PRTFDC1: variants seen among roughly 807,000 people sequenced by gnomAD.
PRTFDC1 encodes phosphoribosyltransferase domain-containing protein 1.
A neutral mutation model predicts 34.6 loss-of-function variants in PRTFDC1; 38 were observed. The ratio of observed to expected loss-of-function variants is 1.10; its 90% CI spans 0.85 to 1.44. The LOEUF (loss-of-function observed/expected upper bound fraction) is 1.44. Among genes scored for constraint, PRTFDC1 ranks in the 40% most tolerant of loss-of-function variants. The probability of loss-of-function intolerance (pLI) is 0.00; values close to 1 mark genes in which losing one functional copy is unlikely to be tolerated. For synonymous variants in PRTFDC1, 93 were observed against 98.1 expected (o/e 0.95, Z 0.31); for missense variants, 270 against 283.0 (o/e 0.95, Z 0.33).
At chr10:24,923,733 G>C (rs550697552) in intron 3 of PRTFDC1, among the ~76,000 whole-genome samples, 71 of 152,302 alleles carry the variant, frequency 4.7e-4, no homozygotes, top group Admixed American at 1.2e-3. Context: ...AAAAACCAGA[G>C]TTCTTCTTCT....
chr10:24,950,922 G>A (rs1275129671), intron 1 of PRTFDC1, among the ~76,000 whole-genome samples: 1 of 152,106 alleles, frequency 6.6e-6, no homozygotes, highest in African/African-American at 2.4e-5. Context: ...ATTGCCTACA[G>A]TGCAGGCCAA....
intron 3 of PRTFDC1, among the ~76,000 whole-genome samples, chr10:24,877,202 A>AT (rs982891394): frequency 5.5e-4 from 83 of 149,926 alleles, no homozygotes; most frequent in East Asian, 2.9e-3. Context: ...TGCCCGACTA[A>AT]TTTTTTTTTT....
At chr10:24,920,315 G>GTA (rs201672252) in intron 3 of PRTFDC1, among the ~76,000 whole-genome samples, 1 of 150,544 alleles carries the variant, frequency 6.6e-6, no homozygotes, top group Admixed American at 6.6e-5. Context: ...ATATATGTGT[G>GTA]TGTATATATA....
intron 4 of PRTFDC1, chr10:24,868,169 A>C (rs959414675): frequency 1.3e-5 from 2 of 152,260 alleles, no homozygotes; most frequent in Admixed American, 6.5e-5. Context: ...GCTATGGAGG[A>C]GTACCTTGAG....
At chr10:24,875,503 G>C (rs1011018259) in intron 3 of PRTFDC1, among the ~76,000 whole-genome samples, 2 of 151,978 alleles carry the variant, frequency 1.3e-5, no homozygotes, top group Admixed American at 1.3e-4. Flanking sequence ...TATATGGTAT[G>C]TATCACTCTG....
chr10:24,915,650 G>A (rs141288442), intron 3 of PRTFDC1, among the ~76,000 whole-genome samples: 1 of 152,144 alleles, frequency 6.6e-6, no homozygotes, highest in Non-Finnish European at 1.5e-5. Flanking sequence ...TGCTAACTAT[G>A]GTGGTCAACA....
At chr10:24,870,859 G>T (rs1202566694) in intron 4 of PRTFDC1, among the ~76,000 whole-genome samples, 1 of 151,992 alleles carries the variant, frequency 6.6e-6, no homozygotes, top group Non-Finnish European at 1.5e-5. Flanking sequence ...ATCACTTGAG[G>T]TCAGGAGTTT....
At chr10:24,949,848 C>T (rs1475464484) in intron 1 of PRTFDC1, among the ~76,000 whole-genome samples, 1 of 151,874 alleles carries the variant, frequency 6.6e-6, no homozygotes, top group Non-Finnish European at 1.5e-5. Flanking sequence ...AATTCTCCTG[C>T]TTCTGCCTCC....
intron 1 of PRTFDC1, among the ~76,000 whole-genome samples, chr10:24,949,466 C>T (rs1452853282): frequency 6.6e-6 from 1 of 152,124 alleles, no homozygotes; most frequent in African/African-American, 2.4e-5. Flanking sequence ...TAAACTCATC[C>T]TCTCCAGCTC....
intron 3 of PRTFDC1, among the ~76,000 whole-genome samples, chr10:24,873,851 T>A (rs1847918151): frequency 6.6e-6 from 1 of 151,844 alleles, no homozygotes; most frequent in African/African-American, 2.4e-5. Context: ...GAAACACCTT[T>A]TGTCTTTTTA....
At chr10:24,913,702 TA>T (rs1209015783) in intron 3 of PRTFDC1, among the ~76,000 whole-genome samples, 1 of 152,200 alleles carries the variant, frequency 6.6e-6, no homozygotes, top group Non-Finnish European at 1.5e-5. Context: ...CAGAAACTAA[TA>T]AAGATAAGGC....
chr10:24,869,831 G>A (rs78102231), intron 4 of PRTFDC1, among the ~76,000 whole-genome samples: 1 of 152,270 alleles, frequency 6.6e-6, no homozygotes, highest in African/African-American at 2.4e-5. Flanking sequence ...GTGTGTCCTT[G>A]GGTGTGACCA....
chr10:24,870,038 A>G (rs974094885), intron 4 of PRTFDC1, among the ~76,000 whole-genome samples: 3 of 152,252 alleles, frequency 2.0e-5, no homozygotes, highest in Non-Finnish European at 2.9e-5. Flanking sequence ...CAAATAAAAA[A>G]TAAGCCCTAA....
intron 3 of PRTFDC1, among the ~76,000 whole-genome samples, chr10:24,926,456 C>T (rs1011828615): frequency 6.6e-6 from 1 of 152,118 alleles, no homozygotes; most frequent in African/African-American, 2.4e-5. Flanking sequence ...CAGCTCACTG[C>T]AACCTTCCCA....
chr10:24,913,087 T>C (rs1346185342), intron 3 of PRTFDC1, among the ~76,000 whole-genome samples: 1 of 152,214 alleles, frequency 6.6e-6, no homozygotes, highest in African/African-American at 2.4e-5. Context: ...GGATTTCAAG[T>C]ATGGCAACTA....
At position 24,948,322 on chromosome 10, in the gene PRTFDC1, TC is replaced by T. The variant is rs370159149; in HGVS notation, c.48+4205del. On this transcript the variant is annotated intron_variant, in intron 1 of 8. Transcript: ENST00000320152. The stretch of plus-strand genomic sequence containing the variant: ...AACAAAAACATGTCTAATAACCCGA[TC>T]CCCAAAAGCCAGGTGGATAGAGAAG... 2.6e-3 allele frequency among the ~76,000 whole-genome samples: 401 copies of T among 152,068 alleles called. 6 individuals carry two copies. The South Asian group carries it at 0.036, about 14-fold the overall frequency.
chr10:24,896,887 C>A (rs61854290), intron 3 of PRTFDC1, among the ~76,000 whole-genome samples: 15,690 of 152,210 alleles, frequency 0.1, 1,105 homozygotes, highest in East Asian at 0.29. Flanking sequence ...CCAGCCTGGA[C>A]AACATAGCAA....
chr10:24,873,808 C>A (rs1319065332), intron 3 of PRTFDC1, among the ~76,000 whole-genome samples: 5 of 151,164 alleles, frequency 3.3e-5, no homozygotes, highest in African/African-American at 1.2e-4. Context: ...AGGGAAAAAA[C>A]AGCCAAACCA....
intron 3 of PRTFDC1, among the ~76,000 whole-genome samples, chr10:24,896,026 C>G (rs1305293556): frequency 6.6e-6 from 1 of 152,092 alleles, no homozygotes; most frequent in Admixed American, 6.6e-5. Context: ...ACATGGTGCT[C>G]CCACCACACA....
Sources: gnomAD v4.1 joint callset for allele counts (sites outside exome capture counted in the v4.1 genomes callset) on GRCh38, gnomAD v4.1.1 for gene constraint, MANE v1.5 for transcripts, NCBI Gene and HGNC (gene_info 2026-07-23, HGNC 2026-07-21) for gene names.